SLC25A17: variants seen among roughly 807,000 people sequenced by gnomAD.
The protein encoded by SLC25A17 is solute carrier family 25 member 17, also known as peroxisomal membrane protein PMP34.
A neutral mutation model predicts 38.5 loss-of-function variants in SLC25A17; 26 were observed. The observed-to-expected ratio is 0.68, with a 90% CI of 0.50 to 0.94. The LOEUF (loss-of-function observed/expected upper bound fraction) is 0.94, where lower values mean the gene tolerates loss of function less well. SLC25A17 is among the 40% of genes least tolerant of loss of function. The pLI, the probability that SLC25A17 is intolerant of heterozygous loss-of-function variation, is 0.00. For missense variants in SLC25A17, 333 were observed against 372.7 expected (o/e 0.89, Z 0.88); for synonymous variants, 139 against 136.2 (o/e 1.02, Z -0.14).
At chr22:40,774,738 T>TTAAAATACATTTA (rs1340959114) in intron 7 of SLC25A17, among the ~76,000 whole-genome samples, 7 of 152,234 alleles carry the variant, frequency 4.6e-5, no homozygotes, top group Non-Finnish European at 1.0e-4. Context: ...TATAAAAGTG[T>TTAAAATACATTTA]TAAAATACAT....
chr22:40,805,026 G>C (rs1326152609), intron 1 of SLC25A17, among the ~76,000 whole-genome samples: 1 of 152,138 alleles, frequency 6.6e-6, no homozygotes, highest in Non-Finnish European at 1.5e-5. Context: ...AAATGGTTAA[G>C]TACTGCTGTT....
At chr22:40,809,106 CTT>C (rs976946812) in intron 1 of SLC25A17, among the ~76,000 whole-genome samples, 1 of 145,482 alleles carries the variant, frequency 6.9e-6, no homozygotes, top group Non-Finnish European at 1.5e-5. Flanking sequence ...TGTATTTTAC[CTT>C]TTTTTTTTTG....
In SLC25A17 at chr22:40,819,298, G is replaced by A. The variant is rs759943186; in HGVS notation, c.-50C>T. 6 of 1,601,842 alleles carry A rather than the reference G, an allele frequency of 3.7e-6. No homozygotes were observed. Among genetic ancestry groups the A allele is most frequent in the Non-Finnish European group, 5.1e-6 (6 of 1,171,036 alleles). On this transcript the variant is annotated 5_prime_UTR_variant, in exon 1 of 9. Transcript: ENST00000435456. ...CCACACTTTTCCCACAGATGCCGCA[G>A]CCAGTGGAGTTAGGAAAGGAGCACC...
chr22:40,788,291 T>C (rs777716812), intron 4 of SLC25A17, among the ~76,000 whole-genome samples: 1 of 152,244 alleles, frequency 6.6e-6, no homozygotes, highest in Non-Finnish European at 1.5e-5. Context: ...ATGGGCTTAA[T>C]TTAACAGATG....
At chr22:40,807,212 T>G (rs2145699600) in intron 1 of SLC25A17, among the ~76,000 whole-genome samples, 1 of 152,320 alleles carries the variant, frequency 6.6e-6, no homozygotes, top group African/African-American at 2.4e-5. Flanking sequence ...GAACTATGCT[T>G]GAAATAAGTT....
intron 1 of SLC25A17, among the ~76,000 whole-genome samples, chr22:40,818,748 T>C (rs1205571642): frequency 6.9e-6 from 1 of 143,976 alleles, no homozygotes; most frequent in East Asian, 2.1e-4. Context: ...CTCCTGCCAA[T>C]AACGGTGCCC....
chr22:40,797,805 G>A (rs569916624), intron 2 of SLC25A17, among the ~76,000 whole-genome samples: 4 of 152,308 alleles, frequency 2.6e-5, no homozygotes, highest in South Asian at 4.1e-4. Context: ...GGTGGAGGCC[G>A]AGGTGCACCA....
chr22:40,813,356 G>T (rs757373334), intron 1 of SLC25A17, among the ~76,000 whole-genome samples: 1 of 151,978 alleles, frequency 6.6e-6, no homozygotes, highest in Non-Finnish European at 1.5e-5. Context: ...TGGCCAACAC[G>T]GTGAGACCTC....
intron 1 of SLC25A17, among the ~76,000 whole-genome samples, chr22:40,816,007 A>G (rs1032943753): frequency 7.2e-5 from 11 of 152,034 alleles, no homozygotes; most frequent in African/African-American, 2.7e-4. Context: ...ACCAACATGG[A>G]GAAACCCCGT....
intron 3 of SLC25A17, 47 bp downstream of exon 3, chr22:40,794,467 T>C (rs1326051441): frequency 3.6e-6 from 4 of 1,109,512 alleles, no homozygotes; most frequent in Non-Finnish European, 5.5e-6. Context: ...AGCACAGGAA[T>C]CTCCTAACAA....
intron 1 of SLC25A17, among the ~76,000 whole-genome samples, chr22:40,799,995 T>C (rs866111499): frequency 2.6e-5 from 4 of 152,230 alleles, no homozygotes; most frequent in Middle Eastern, 6.8e-3. Flanking sequence ...AAAACCAAAA[T>C]ACCCGGTAAT....
At chr22:40,787,171 G>A (rs142152818) in intron 4 of SLC25A17, among the ~76,000 whole-genome samples, 2 of 152,232 alleles carry the variant, frequency 1.3e-5, no homozygotes, top group East Asian at 3.9e-4. Context: ...AGAAGAGGTA[G>A]CTGAGAATAA....
chr22:40,797,062 T>G (rs551346500), intron 2 of SLC25A17, among the ~76,000 whole-genome samples: 7 of 152,286 alleles, frequency 4.6e-5, no homozygotes, highest in South Asian at 4.1e-4. Context: ...ATAAAGAAAG[T>G]CTGCAAGGCT....
chr22:40,773,836 C>T, intron 8 of SLC25A17, 101 bp downstream of exon 8: 1 of 845,680 alleles, frequency 1.2e-6, no homozygotes, highest in South Asian at 1.4e-5. Flanking sequence ...TGGAGGTTGC[C>T]ACCACCAAGG....
At chr22:40,771,988 G>A (rs1449107812) in intron 8 of SLC25A17, among the ~76,000 whole-genome samples, 1 of 149,416 alleles carries the variant, frequency 6.7e-6, no homozygotes, top group Non-Finnish European at 1.5e-5. Flanking sequence ...TACCTACTAT[G>A]TACCCACAAA....
rs6002129 is a variant in SLC25A17, at chr22:40,778,792, G to C, written c.451+217C>G. 3.6e-3 allele frequency among the ~76,000 whole-genome samples: 549 copies of C among 152,192 alleles called. 5 individuals carry two copies. Among genetic ancestry groups the C allele is most frequent in the African/African-American group, 0.013 (527 of 41,534 alleles). On this transcript the variant is annotated intron_variant, in intron 5 of 8. Coordinates refer to ENST00000435456, the MANE Select transcript of SLC25A17 (RefSeq NM_006358.4). Reference sequence around the variant, plus strand: ...ACTACCGTCAGAGTGAACAGGCAACGTACAGAATGGGAGATAATTTTTACA... The same window carrying C: ...ACTACCGTCAGAGTGAACAGGCAACCTACAGAATGGGAGATAATTTTTACA...
At chr22:40,787,216 AG>A (rs1204453222) in intron 4 of SLC25A17, among the ~76,000 whole-genome samples, 1 of 147,234 alleles carries the variant, frequency 6.8e-6, no homozygotes, top group African/African-American at 2.5e-5. Context: ...TGAAATAAGC[AG>A]TAAGACTGTT....
chr22:40,788,243 C>T (rs1400286736), intron 4 of SLC25A17, among the ~76,000 whole-genome samples: 2 of 152,118 alleles, frequency 1.3e-5, no homozygotes, highest in Admixed American at 1.3e-4. Flanking sequence ...TTTTTTAAAT[C>T]TTGATTTTTA....
At chr22:40,817,105 T>G (rs1431539109) in intron 1 of SLC25A17, 1 of 152,210 alleles carries the variant, frequency 6.6e-6, no homozygotes, top group African/African-American at 2.4e-5. Flanking sequence ...TTAGATGCAC[T>G]CCAACTATTT....
Sources: allele counts gnomAD v4.1 joint callset (sites outside exome capture counted in the v4.1 genomes callset), GRCh38; gene constraint gnomAD v4.1.1; transcripts MANE v1.5; gene names NCBI Gene and HGNC (gene_info 2026-07-23, HGNC 2026-07-21).